CTTNBP2NL: variants seen among roughly 807,000 people sequenced by gnomAD.
The protein encoded by CTTNBP2NL is CTTNBP2 N-terminal-like protein.
Under a neutral mutation model 32.5 loss-of-function variants are expected in CTTNBP2NL, and 16 were observed. That is an observed-to-expected ratio of 0.49 (90% CI 0.33 to 0.75). The LOEUF (loss-of-function observed/expected upper bound fraction) is 0.75, where lower values mean the gene tolerates loss of function less well. Ranked by LOEUF, CTTNBP2NL falls within the 30% of genes least tolerant of loss-of-function variation. The probability of loss-of-function intolerance (pLI) is 0.02; values close to 1 mark genes in which losing one functional copy is unlikely to be tolerated. For synonymous variants in CTTNBP2NL, 298 were observed against 289.4 expected (o/e 1.03, Z -0.30); for missense variants, 645 against 756.0 (o/e 0.85, Z 1.72).
chr1:112,454,867 G>A (rs1490105548), intron 5 of CTTNBP2NL, among the ~76,000 whole-genome samples: 2 of 152,122 alleles, frequency 1.3e-5, no homozygotes, highest in African/African-American at 4.8e-5. Flanking sequence ...AACACTCTTT[G>A]GGGAATGGTA....
At position 112,457,465 on chromosome 1, in the gene CTTNBP2NL, CTCAG is replaced by C. The variant is rs1195113404; in HGVS notation, c.*58_*61del. ...CATTCCATCAGATTTCGTCCAAAAG[CTCAG>C]TCAGACTTCTGAGTCAGATTATGTT... On this transcript the variant is annotated 3_prime_UTR_variant, in exon 6 of 6. Transcript: ENST00000271277. 1 of 1,444,736 alleles carries C rather than the reference CTCAG, an allele frequency of 6.9e-7. No individual in the cohort carries two copies. The highest frequency in any genetic ancestry group is 9.5e-7 in the Non-Finnish European group (1 of 1,057,298). The allele number at this position is 1,444,736 out of a possible 1,614,324, so 89.5% of individuals were successfully genotyped here.
intron 3 of CTTNBP2NL, among the ~76,000 whole-genome samples, chr1:112,436,769 C>T (rs1301074473): frequency 2.6e-5 from 4 of 152,026 alleles, no homozygotes; most frequent in Non-Finnish European, 4.4e-5. Flanking sequence ...ACCCCTAGTA[C>T]CCTGTAGTTA....
chr1:112,429,031 C>T (rs917443704), intron 3 of CTTNBP2NL, among the ~76,000 whole-genome samples: 1 of 152,112 alleles, frequency 6.6e-6, no homozygotes, highest in Non-Finnish European at 1.5e-5. Context: ...AAGCTATTCC[C>T]AAAGTTTATT....
chr1:112,401,224 C>G (rs1380652053), intron 1 of CTTNBP2NL, among the ~76,000 whole-genome samples: 1 of 152,110 alleles, frequency 6.6e-6, no homozygotes, highest in Non-Finnish European at 1.5e-5. Flanking sequence ...ATGACTAAGT[C>G]CTGAATAGAG....
At chr1:112,421,630 AAGG>A (rs942888165) in intron 3 of CTTNBP2NL, among the ~76,000 whole-genome samples, 6 of 151,706 alleles carry the variant, frequency 4.0e-5, no homozygotes, top group African/African-American at 1.2e-4. Flanking sequence ...AAAAAAAAAA[AAGG>A]AGAAGAAGAA....
chr1:112,402,393 G>C (rs1174221690), intron 1 of CTTNBP2NL, among the ~76,000 whole-genome samples: 1 of 152,116 alleles, frequency 6.6e-6, no homozygotes, highest in African/African-American at 2.4e-5. Flanking sequence ...ACTCCAGGCT[G>C]GGCAACAACA....
At chr1:112,408,220 A>ATTTTT (rs397981257) in intron 1 of CTTNBP2NL, among the ~76,000 whole-genome samples, 51 of 103,766 alleles carry the variant, frequency 4.9e-4, no homozygotes, top group African/African-American at 1.9e-3. Flanking sequence ...TTTTTTTTTA[A>ATTTTT]TTTTTTTTTT....
chr1:112,407,393 A>C (rs530904489), intron 1 of CTTNBP2NL, among the ~76,000 whole-genome samples: 1 of 152,326 alleles, frequency 6.6e-6, no homozygotes, highest in African/African-American at 2.4e-5. Flanking sequence ...ATGTGTGGGC[A>C]AGATTGGTTT....
In CTTNBP2NL at chr1:112,405,378, A is replaced by G. The variant is rs1007865928; in HGVS notation, c.-133-6816A>G. ...AGTGGTGCAATCTCAGCTCACTGCA[A>G]CCTCCACCTCCTGGGTTCAAGCGAT... On this transcript the variant is annotated intron_variant, in intron 1 of 5. Coordinates refer to ENST00000271277, the MANE Select transcript of CTTNBP2NL (RefSeq NM_018704.3). Among the ~76,000 whole-genome samples, 6 of 151,898 alleles carry G rather than the reference A, an allele frequency of 4.0e-5. No homozygotes were observed. In the East Asian group the frequency reaches 1.2e-3, roughly 30 times the overall value.
Position 112,454,465 on chromosome 1 carries a change from A to T in CTTNBP2NL, c.347A>T (p.Glu116Val). The T allele has an allele frequency of 6.2e-7, 1 of 1,613,746 alleles. No individual in the cohort carries two copies. The highest frequency in any genetic ancestry group is 8.5e-7 in the Non-Finnish European group (1 of 1,179,624). The change falls in exon 5 of 6, where the codon GAG (glutamate) becomes GTG (valine). Residue 116 changes from glutamate (E) to valine (V), a missense_variant. By Grantham distance (121) the Glu-to-Val change is moderately radical. Coordinates refer to ENST00000271277, the MANE Select transcript of CTTNBP2NL (RefSeq NM_018704.3). ...SRHRKVILDL[E>V]EERQRHAQDT... is the part of the protein sequence containing the mutation. ...TCTTTAAAGGTGATCCTAGACCTTG[A>T]GGAAGAAAGGCAGCGGCATGCACAG...
At chr1:112,404,960 G>A (rs1277166911) in intron 1 of CTTNBP2NL, among the ~76,000 whole-genome samples, 4 of 151,788 alleles carry the variant, frequency 2.6e-5, no homozygotes, top group Non-Finnish European at 5.9e-5. Context: ...CTGAGGCAGG[G>A]GAATCTCTTG....
intron 1 of CTTNBP2NL, among the ~76,000 whole-genome samples, chr1:112,408,136 G>A (rs894829662): frequency 3.3e-5 from 5 of 150,302 alleles, no homozygotes; most frequent in African/African-American, 9.8e-5. Flanking sequence ...TGTGAGCCAC[G>A]CCCTTCAAAA....
intron 3 of CTTNBP2NL, among the ~76,000 whole-genome samples, chr1:112,427,702 T>C (rs1025341689): frequency 7.8e-4 from 119 of 152,246 alleles, no homozygotes; most frequent in African/African-American, 2.7e-3. Context: ...GAGACCATCC[T>C]GGCTGACACG....
intron 1 of CTTNBP2NL, among the ~76,000 whole-genome samples, chr1:112,406,437 C>T (rs1221249622): frequency 6.6e-6 from 1 of 152,166 alleles, no homozygotes; most frequent in Admixed American, 6.5e-5. Context: ...GTTCACATCC[C>T]ATTTCTACCA....
chr1:112,394,331 T>C (rs2100984581), upstream of CTTNBP2NL, among the ~76,000 whole-genome samples: 1 of 152,114 alleles, frequency 6.6e-6, no homozygotes, highest in East Asian at 1.9e-4. Context: ...TGTCAGGCGA[T>C]GAGGCACTTC....
intron 3 of CTTNBP2NL, among the ~76,000 whole-genome samples, chr1:112,424,546 TC>T (rs1312446994): frequency 6.6e-6 from 1 of 152,192 alleles, no homozygotes; most frequent in Non-Finnish European, 1.5e-5. Context: ...CTTGCCAATT[TC>T]CCTAAAAATC....
intron 3 of CTTNBP2NL, among the ~76,000 whole-genome samples, chr1:112,417,570 A>G (rs2483328): frequency 6.6e-6 from 1 of 151,974 alleles, no homozygotes; most frequent in Non-Finnish European, 1.5e-5. Flanking sequence ...TTAAGGGAGC[A>G]TTTTGATATA....
At chr1:112,452,251 G>A (rs1176272257) in intron 4 of CTTNBP2NL, among the ~76,000 whole-genome samples, 1 of 151,126 alleles carries the variant, frequency 6.6e-6, no homozygotes, top group Non-Finnish European at 1.5e-5. Flanking sequence ...GCACCCTATA[G>A]CCTGGAACTC....
At chr1:112,429,151 G>A (rs893459526) in intron 3 of CTTNBP2NL, among the ~76,000 whole-genome samples, 4 of 152,102 alleles carry the variant, frequency 2.6e-5, no homozygotes, top group Non-Finnish European at 5.9e-5. Flanking sequence ...TATTTTACAT[G>A]CAGATCCTGG....
Sources: gnomAD v4.1 joint callset for allele counts (sites outside exome capture counted in the v4.1 genomes callset) on GRCh38, gnomAD v4.1.1 for gene constraint, MANE v1.5 for transcripts, NCBI Gene and HGNC (gene_info 2026-07-23, HGNC 2026-07-21) for gene names.